The following CD244 variants were observed in gnomAD, a reference collection of about 807,000 sequenced individuals.
CD244 encodes CD244 molecule.
Under a neutral mutation model 45.5 loss-of-function variants are expected in CD244, and 20 were observed. That is an observed-to-expected ratio of 0.44 (90% confidence interval 0.31 to 0.64). CD244 has a LOEUF of 0.64. Ranked by LOEUF, CD244 falls within the 30% of genes least tolerant of loss-of-function variation. The probability of loss-of-function intolerance (pLI) is 0.08; values close to 1 mark genes in which losing one functional copy is unlikely to be tolerated. For synonymous variants in CD244, 185 were observed against 160.5 expected, an observed-to-expected ratio of 1.15 and a Z score of -1.15; for missense variants, 407 against 426.9, an observed-to-expected ratio of 0.95 and a Z score of 0.41.
In CD244 at chr1:160,832,146, C is replaced by T. The variant is rs114641368; in HGVS notation, c.1017+373G>A. ...TCCTGGAATGGCTCCCAAAGACTTGCTAATTTTAGAAAATCATTTAGAGTC... is the reference window on the plus strand; with the variant it reads ...TCCTGGAATGGCTCCCAAAGACTTGTTAATTTTAGAAAATCATTTAGAGTC... On this transcript the variant is annotated intron_variant, in intron 8 of 8. Transcript: ENST00000368034. Among the ~76,000 whole-genome samples, 630 of 152,222 alleles carry T rather than the reference C, an allele frequency of 4.1e-3. 3 individuals carry two copies. Among genetic ancestry groups the T allele is most frequent in the Non-Finnish European group, 7.9e-3 (535 of 68,006 alleles).
intron 1 of CD244, among the ~76,000 whole-genome samples, chr1:160,851,035 G>A (rs1323286341): frequency 6.6e-6 from 1 of 152,222 alleles, no homozygotes; most frequent in East Asian, 1.9e-4. Context: ...GAGATGCATA[G>A]GACAAGGTGT....
intron 1 of CD244, among the ~76,000 whole-genome samples, chr1:160,858,579 C>T (rs537602896): frequency 6.6e-6 from 1 of 152,304 alleles, no homozygotes; most frequent in African/African-American, 2.4e-5. Flanking sequence ...AAGATCCCTC[C>T]TTCCCAATAT....
chr1:160,848,174 A>T, intron 1 of CD244: 1 of 508,800 alleles, frequency 2.0e-6, no homozygotes, highest in Non-Finnish European at 3.9e-6. Flanking sequence ...CTCTCACAGG[A>T]TTATTGCAGA....
chr1:160,851,630 A>G (rs1179635845), intron 1 of CD244, among the ~76,000 whole-genome samples: 8 of 152,372 alleles, frequency 5.3e-5, no homozygotes, highest in African/African-American at 1.9e-4. Context: ...ATCTTGAGAT[A>G]GACAAATGTT....
At position 160,841,912 on chromosome 1, in the gene CD244, G is replaced by T; in HGVS notation, c.62-11C>A. 2 of 1,612,028 alleles carry T rather than the reference G, an allele frequency of 1.2e-6. No homozygotes were observed. Among genetic ancestry groups the T allele is most frequent in the Non-Finnish European group, 8.5e-7 (1 of 1,178,624 alleles). ...CTGATCCCTGGCATCCTAGGAAAGA[G>T]AACCCAAGCTGAAAGTAGCGGGAAG... On this transcript the variant is annotated splice_polypyrimidine_tract_variant and intron_variant, in intron 1 of 8. Transcript: ENST00000368034.
chr1:160,836,195 CT>C lies in CD244; in HGVS notation c.893del (p.Gln298ArgfsTer17), dbSNP rs747961937. 1 of 1,612,954 alleles carries C rather than the reference CT, an allele frequency of 6.2e-7. No individual in the cohort carries two copies. Among genetic ancestry groups the C allele is most frequent in the South Asian group, 1.1e-5 (1 of 91,062 alleles). On this transcript the variant is annotated frameshift_variant and splice_region_variant, in exon 6 of 9. Coordinates refer to ENST00000368034, the MANE Select transcript of CD244 (RefSeq NM_016382.4). LOFTEE classifies it high-confidence loss of function. ...TGGACTAGAGAAACTGGAGAGGTAC[CT>C]GGGACTGGATCATAGAGTAGATGGT... Reference protein sequence around the residue: ...GSTIYSMIQSQSSAPTSQEPA... With the variant: ...GSTIYSMIQSXSSAPTSQEPA...
At chr1:160,860,899 T>C (rs1406193013) in intron 1 of CD244, among the ~76,000 whole-genome samples, 1 of 152,188 alleles carries the variant, frequency 6.6e-6, no homozygotes, top group Non-Finnish European at 1.5e-5. Flanking sequence ...AGGAAGCAGC[T>C]CAGGAAGACC....
chr1:160,862,671 C>G lies in CD244; in HGVS notation c.7G>C (p.Gly3Arg), dbSNP rs1670353082. 6.2e-7 allele frequency: 1 copy of G among 1,613,964 alleles called. No individual in the cohort carries two copies. The highest frequency in any genetic ancestry group is 2.2e-5 in the East Asian group (1 of 44,880). Residue 3 changes from glycine to arginine, a missense_variant, in exon 1 of 9, where the codon GGG becomes CGG. Physicochemically the swap from Gly to Arg is moderately radical, Grantham distance 125. Coordinates refer to ENST00000368034, the MANE Select transcript of CD244 (RefSeq NM_016382.4). The part of the protein sequence containing the change: ML[G>R]QVVTLILLLL... ...AGGAGTATGAGGGTGACCACTTGCC[C>G]CAGCATTTCCACAGGACAGAGGGGC...
chr1:160,862,796 T>C lies in CD244; in HGVS notation c.-119A>G. On this transcript the variant is annotated 5_prime_UTR_variant, in exon 1 of 9. Transcript: ENST00000368034. ...TGGGGAGCAGAACTGCCTTGCAACC[T>C]GTCCAGCCACAGTTTCCTCAATTAG... 1 of 779,210 alleles carries C rather than the reference T, an allele frequency of 1.3e-6. No homozygotes were observed. Among genetic ancestry groups the C allele is most frequent in the Non-Finnish European group, 2.1e-6 (1 of 484,312 alleles). The allele number at this position is 779,210 out of a possible 1,614,324, so 48.3% of individuals were successfully genotyped here.
rs533473540 is a variant in CD244, at chr1:160,844,245, C to A, written c.62-2344G>T. Among the ~76,000 whole-genome samples the A allele has an allele frequency of 2.0e-5, 3 of 152,284 alleles. No individual in the cohort carries two copies. In the South Asian group the frequency reaches 6.2e-4, roughly 32 times the overall value. Reference sequence around the variant, plus strand: ...TAAGAAAAGGAAACATCTCCAAAAACCAACAGAAGAATAGAGACAACAGAA... The same window carrying A: ...TAAGAAAAGGAAACATCTCCAAAAAACAACAGAAGAATAGAGACAACAGAA... On this transcript the variant is annotated intron_variant, in intron 1 of 8. Coordinates refer to ENST00000368034, the MANE Select transcript of CD244 (RefSeq NM_016382.4).
intron 6 of CD244, 50 bp downstream of exon 6, chr1:160,836,145 G>A (rs1669322019): frequency 7.1e-7 from 1 of 1,411,262 alleles, no homozygotes; most frequent in South Asian, 1.2e-5. Context: ...GGGGGCATTA[G>A]GAAACCCCAG....
intron 1 of CD244, chr1:160,848,570 C>T (rs1216861050): frequency 2.6e-6 from 1 of 384,306 alleles, no homozygotes; most frequent in Non-Finnish European, 5.0e-6. Flanking sequence ...GAAAGAAATG[C>T]TACACAGAGA....
chr1:160,838,594 C>T, intron 4 of CD244, 76 bp from the exon 5 acceptor site: 2 of 1,022,664 alleles, frequency 2.0e-6, no homozygotes, highest in Non-Finnish European at 3.1e-6. Context: ...GGTCCCACCT[C>T]TACCCCAAAT....
intron 1 of CD244, among the ~76,000 whole-genome samples, chr1:160,842,643 C>T (rs897026975): frequency 6.6e-5 from 10 of 152,142 alleles, no homozygotes; most frequent in African/African-American, 1.7e-4. Context: ...AATCCTCTCT[C>T]GTGGCACTTG....
chr1:160,833,581 C>T (rs542109688), intron 7 of CD244, among the ~76,000 whole-genome samples: 47 of 152,322 alleles, frequency 3.1e-4, no homozygotes, highest in African/African-American at 1.1e-3. Flanking sequence ...AGGCCTCCAC[C>T]AGCAGGTGAC....
At chr1:160,840,488 C>A (rs1043387706) in intron 3 of CD244, among the ~76,000 whole-genome samples, 15 of 151,894 alleles carry the variant, frequency 9.9e-5, no homozygotes, top group African/African-American at 3.1e-4. Flanking sequence ...GTCTCAAACT[C>A]CTGACCTTGT....
At chr1:160,859,136 A>G (rs1670205620) in intron 1 of CD244, among the ~76,000 whole-genome samples, 1 of 152,218 alleles carries the variant, frequency 6.6e-6, no homozygotes, top group Non-Finnish European at 1.5e-5. Flanking sequence ...CATCACTGAA[A>G]AGGAGGTATT....
rs774734877 is a variant in CD244 at position 160,862,716 on chromosome 1, C to A, written c.-39G>T. ...AGGGGCCAGGCCAGCCCCTCCACCCCACCAGACTCTCTGCCGTGCACGGGC... is the reference window on the plus strand; with the variant it reads ...AGGGGCCAGGCCAGCCCCTCCACCCAACCAGACTCTCTGCCGTGCACGGGC... On this transcript the variant is annotated 5_prime_UTR_variant, in exon 1 of 9. Coordinates refer to ENST00000368034, the MANE Select transcript of CD244 (RefSeq NM_016382.4). 3.8e-6 allele frequency: 6 copies of A among 1,598,126 alleles called. No homozygotes were observed. Among genetic ancestry groups the A allele is most frequent in the Non-Finnish European group, 5.1e-6 (6 of 1,167,060 alleles).
chr1:160,834,109 G>A lies in CD244; in HGVS notation c.902C>T (p.Ala301Val). The A allele has an allele frequency of 1.2e-5, 19 of 1,603,030 alleles. No homozygotes were observed. Among genetic ancestry groups the A allele is most frequent in the Non-Finnish European group, 1.6e-5 (19 of 1,169,868 alleles). ...ATATGCAGGTTCTTGTGACGTGGGA[G>A]CAGAAGACTAATGAGAAGAGAAATA... Reference protein sequence around the residue: ...IYSMIQSQSSAPTSQEPAYTL... With the variant: ...IYSMIQSQSSVPTSQEPAYTL... Residue 301 changes from alanine (A) to valine (V), a missense_variant, in exon 7 of 9, where the codon GCT (alanine) becomes GTT (valine). Transcript: ENST00000368034.
Sources: gnomAD v4.1 joint callset for allele counts (sites outside exome capture counted in the v4.1 genomes callset) on GRCh38, gnomAD v4.1.1 for gene constraint, MANE v1.5 for transcripts, NCBI Gene and HGNC (gene_info 2026-07-23, HGNC 2026-07-21) for gene names.